DSCAML1: variants seen among roughly 807,000 people sequenced by gnomAD.
DSCAML1 encodes the protein cell adhesion molecule DSCAML1.
DSCAML1 carries 38 observed loss-of-function variants against 200.5 expected under a neutral mutation model. The ratio of observed to expected loss-of-function variants is 0.19; its 90% CI spans 0.15 to 0.25. The LOEUF (loss-of-function observed/expected upper bound fraction) is 0.25, where lower values mean the gene tolerates loss of function less well. Ranked by LOEUF, DSCAML1 falls within the 10% of genes least tolerant of loss-of-function variation. The pLI is 1.00. For synonymous variants in DSCAML1, 1,215 were observed against 1,165.0 expected (o/e 1.04, Z -0.87); for missense variants, 2,223 against 2,858.8 (o/e 0.78, Z 5.07).
rs773453013 is a variant in DSCAML1 at position 117,719,484 on chromosome 11, G to A, written c.511+57307C>T. 2.7e-4 allele frequency among the ~76,000 whole-genome samples: 41 copies of A among 152,304 alleles called. No homozygotes were observed. In the East Asian group the frequency reaches 6.0e-3, roughly 22 times the overall value. ...GAAAGAAAGCAAGCTCAGAGTCAGG[G>A]TTAGGTACGTTGACCAAGATCACAA... On this transcript the variant is annotated intron_variant, in intron 3 of 32. Transcript: ENST00000651296.
At chr11:117,560,861 T>C (rs1428848684) in intron 3 of DSCAML1, among the ~76,000 whole-genome samples, 1 of 152,230 alleles carries the variant, frequency 6.6e-6, no homozygotes, top group Non-Finnish European at 1.5e-5. Flanking sequence ...ATCATCATTG[T>C]ATTGCATAAT....
At position 117,465,072 on chromosome 11, in the gene DSCAML1, C is replaced by T. The variant is rs750790668; in HGVS notation, c.3135G>A (p.Thr1045=). Residue 1045 remains threonine (T), a synonymous_variant, in exon 17 of 33, where the codon ACG becomes ACA. Transcript: ENST00000651296. ...CCAGGGTGTAGACCTCGCTGTCCCC[C>T]GTGGCCTTCATCTCCACGATGCTGT... The part of the protein sequence containing the change: ...GQYSIVEMKA[T]GDSEVYTLDN... 37 of 1,613,634 alleles carry T rather than the reference C, an allele frequency of 2.3e-5. No homozygotes were observed. Among genetic ancestry groups the T allele is most frequent in the Middle Eastern group, 3.3e-4 (2 of 6,084 alleles).
chr11:117,498,050 GA>G lies in DSCAML1; in HGVS notation c.2359+5794del, dbSNP rs2049325877. On this transcript the variant is annotated intron_variant, in intron 11 of 32. Transcript: ENST00000651296. This position sits in a 1 kb window ranked among gnomAD's most constrained non-coding sequence, Gnocchi z 4.0. The stretch of plus-strand genomic sequence containing the variant: ...GACTAGAGGTCCGTCAGCCAGTCCA[GA>G]TTCCAGAGTGGGCAAAGGCCTGTGC... 6.6e-6 allele frequency among the ~76,000 whole-genome samples: 1 copy of G among 152,242 alleles called. No individual in the cohort carries two copies. Among genetic ancestry groups the G allele is most frequent in the Non-Finnish European group, 1.5e-5 (1 of 68,042 alleles).
chr11:117,544,456 GCTC>G, intron 3 of DSCAML1, among the ~76,000 whole-genome samples: 1 of 152,302 alleles, frequency 6.6e-6, no homozygotes, highest in Admixed American at 6.5e-5. Context: ...GCGGGAATTA[GCTC>G]CTGCCTGGGG....
chr11:117,752,038 C>CTGTGTGTG (rs372303288), intron 3 of DSCAML1, among the ~76,000 whole-genome samples: 246 of 150,678 alleles, frequency 1.6e-3, no homozygotes, highest in African/African-American at 5.8e-3. Context: ...AACCTCAGCT[C>CTGTGTGTG]TGTGTGTGTG....
At chr11:117,593,365 G>A (rs1229282919) in intron 3 of DSCAML1, among the ~76,000 whole-genome samples, 1 of 152,230 alleles carries the variant, frequency 6.6e-6, no homozygotes, top group East Asian at 1.9e-4. Flanking sequence ...ACCTCGCTGG[G>A]GCCTGGGGGC....
chr11:117,528,314 G>A (rs1198247888), intron 4 of DSCAML1, among the ~76,000 whole-genome samples: 1 of 150,602 alleles, frequency 6.6e-6, no homozygotes, highest in Admixed American at 6.6e-5. Flanking sequence ...GGTGGTGGAG[G>A]AAGGGGCGGA....
intron 3 of DSCAML1, among the ~76,000 whole-genome samples, chr11:117,541,513 C>G (rs1012614209): frequency 6.6e-6 from 1 of 152,196 alleles, no homozygotes; most frequent in African/African-American, 2.4e-5. Flanking sequence ...CCCAATGTGC[C>G]CTGTGCCCTG....
In DSCAML1 at chr11:117,791,761, T is replaced by A. The variant is rs77011337; in HGVS notation, c.46+5273A>T. 4.5e-3 allele frequency among the ~76,000 whole-genome samples: 691 copies of A among 152,306 alleles called. 1 individual carries two copies. The highest frequency in any genetic ancestry group is 6.3e-3 in the Non-Finnish European group (429 of 68,012). ...AAGCCAACTGGCTTGGCCAAAAATG[T>A]GGCTGATTAATTCAACTGCTTAGGG... is the stretch of plus-strand genomic sequence containing the variant. On this transcript the variant is annotated intron_variant, in intron 1 of 32. Coordinates refer to ENST00000651296, the MANE Select transcript of DSCAML1 (RefSeq NM_020693.4).
chr11:117,521,093 C>T, intron 6 of DSCAML1, 37 bp downstream of exon 6: 2 of 1,601,676 alleles, frequency 1.2e-6, no homozygotes, highest in Non-Finnish European at 1.7e-6. Context: ...CTCGGCAGCC[C>T]TGAACCCGCC....
chr11:117,677,674 C>T (rs1458945685), intron 3 of DSCAML1, among the ~76,000 whole-genome samples: 3 of 152,154 alleles, frequency 2.0e-5, no homozygotes, highest in Non-Finnish European at 4.4e-5. Context: ...GCAGAAGGGA[C>T]AATAACCATG....
chr11:117,477,395 T>A (rs2048819232), intron 14 of DSCAML1, among the ~76,000 whole-genome samples: 1 of 149,780 alleles, frequency 6.7e-6, no homozygotes, highest in Non-Finnish European at 1.5e-5. Flanking sequence ...TGTGTGTATG[T>A]GTGTGTGTAT....
intron 3 of DSCAML1, among the ~76,000 whole-genome samples, chr11:117,745,606 C>T (rs942190819): frequency 6.6e-6 from 1 of 152,222 alleles, no homozygotes; most frequent in African/African-American, 2.4e-5. Context: ...AGACTCATGT[C>T]ACTCCATGTG....
At chr11:117,798,802 A>G (rs2055628253), upstream of DSCAML1, among the ~76,000 whole-genome samples, 1 of 152,134 alleles carries the variant, frequency 6.6e-6, no homozygotes, top group South Asian at 2.1e-4. Flanking sequence ...AACTTGTTCA[A>G]GGCCACCAAG....
intron 3 of DSCAML1, among the ~76,000 whole-genome samples, chr11:117,537,257 A>C (rs1283406894): frequency 6.6e-6 from 1 of 152,156 alleles, no homozygotes. Context: ...GTCTTTCTGG[A>C]GTGTCTCCAG....
At chr11:117,541,002 C>A (rs59099254) in intron 3 of DSCAML1, among the ~76,000 whole-genome samples, 37,921 of 152,130 alleles carry the variant, frequency 0.25, 4,951 homozygotes, top group Middle Eastern at 0.32. Flanking sequence ...CCTTAAGAAC[C>A]TTTCTCCCCC....
rs914529116 is a variant in DSCAML1 at position 117,485,626 on chromosome 11, A to T, written c.2360-3464T>A. On this transcript the variant is annotated intron_variant, in intron 11 of 32. Coordinates refer to ENST00000651296, the MANE Select transcript of DSCAML1 (RefSeq NM_020693.4). The stretch of plus-strand genomic sequence containing the variant: ...ACTGCCTGCCACACAGCACTTGCTT[A>T]AGAAACCTGGATTCTAGTCCTATCC... Among the ~76,000 whole-genome samples the T allele has an allele frequency of 2.0e-5, 3 of 152,386 alleles. No individual in the cohort carries two copies. In the East Asian group the frequency reaches 5.8e-4, roughly 29 times the overall value.
intron 3 of DSCAML1, among the ~76,000 whole-genome samples, chr11:117,589,249 T>C (rs1412049357): frequency 1.3e-5 from 2 of 152,216 alleles, no homozygotes; most frequent in African/African-American, 2.4e-5. Flanking sequence ...GACTCTGCAG[T>C]GCGCCTTGGA....
intron 3 of DSCAML1, among the ~76,000 whole-genome samples, chr11:117,650,771 G>A (rs1490204610): frequency 2.0e-5 from 3 of 151,848 alleles, no homozygotes. Context: ...ATGGTCAGGG[G>A]TGGTTGAGGG....
Sources: gnomAD v4.1 joint callset for allele counts (sites outside exome capture counted in the v4.1 genomes callset) on GRCh38, gnomAD v4.1.1 for gene constraint, Gnocchi (gnomAD v3.1) non-coding constraint, MANE v1.5 for transcripts, NCBI Gene and HGNC (gene_info 2026-07-23, HGNC 2026-07-21) for gene names.